Variants in AMPH observed in about 807,000 individuals in gnomAD.
The protein encoded by AMPH is amphiphysin, also known as amphiphysin (Stiff-Mann syndrome with breast cancer 128kD autoantigen).
A neutral mutation model predicts 99.1 loss-of-function variants in AMPH; 49 were observed. The ratio of observed to expected loss-of-function variants is 0.49; its 90% CI spans 0.39 to 0.63. AMPH has a LOEUF of 0.63. AMPH is among the 20% of genes least tolerant of loss of function. The pLI is 0.00. For missense variants in AMPH, 759 were observed against 863.4 expected, an observed-to-expected ratio of 0.88 and a Z score of 1.52; for synonymous variants, 314 against 317.3, an observed-to-expected ratio of 0.99 and a Z score of 0.11.
At chr7:38,411,215 G>T (rs1305443279) in intron 17 of AMPH, among the ~76,000 whole-genome samples, 1 of 152,190 alleles carries the variant, frequency 6.6e-6, no homozygotes, top group East Asian at 1.9e-4. Flanking sequence ...TCACGGGACT[G>T]CTGTGAGAGA....
intron 17 of AMPH, among the ~76,000 whole-genome samples, chr7:38,414,743 G>A (rs1471315598): frequency 6.6e-6 from 1 of 151,888 alleles, no homozygotes; most frequent in East Asian, 1.9e-4. Flanking sequence ...TCAGCTCACT[G>A]CACCTCTGCC....
At chr7:38,551,053 C>T (rs185517952) in intron 1 of AMPH, among the ~76,000 whole-genome samples, 18 of 152,264 alleles carry the variant, frequency 1.2e-4, no homozygotes, top group African/African-American at 4.1e-4. Flanking sequence ...CTCAAAACCC[C>T]TGTGGATGAT....
intron 1 of AMPH, among the ~76,000 whole-genome samples, chr7:38,574,416 T>G (rs1365333227): frequency 1.3e-5 from 2 of 152,180 alleles, no homozygotes; most frequent in Non-Finnish European, 2.9e-5. Flanking sequence ...AAGATGCAAA[T>G]GAACACCCAG....
chr7:38,449,314 C>T (rs1255129539), intron 11 of AMPH, among the ~76,000 whole-genome samples: 1 of 152,196 alleles, frequency 6.6e-6, no homozygotes. Context: ...ACATAGCCTA[C>T]AGCATTCTGC....
chr7:38,524,699 T>C (rs1392395257), intron 2 of AMPH, among the ~76,000 whole-genome samples: 1 of 152,198 alleles, frequency 6.6e-6, no homozygotes, highest in Non-Finnish European at 1.5e-5. Flanking sequence ...CAGTTCTGTA[T>C]ACTATTATTA....
At chr7:38,610,316 GAAA>G (rs11317503) in intron 1 of AMPH, among the ~76,000 whole-genome samples, 1 of 25,480 alleles carries the variant, frequency 3.9e-5, no homozygotes, top group Admixed American at 4.6e-4. Context: ...GAAAAGAAAA[GAAA>G]AGAAAAGAAA....
At chr7:38,431,013 A>C (rs1785998907) in intron 13 of AMPH, among the ~76,000 whole-genome samples, 1 of 152,218 alleles carries the variant, frequency 6.6e-6, no homozygotes, top group Non-Finnish European at 1.5e-5. Flanking sequence ...ATACAACTTA[A>C]GTTGAGTTCT....
At chr7:38,572,609 T>C (rs1391890801) in intron 1 of AMPH, among the ~76,000 whole-genome samples, 2 of 152,148 alleles carry the variant, frequency 1.3e-5, no homozygotes, top group Non-Finnish European at 2.9e-5. Context: ...GTGATGTTAT[T>C]AATGAGCCCA....
chr7:38,388,536 A>AT (rs200678466), intron 20 of AMPH, among the ~76,000 whole-genome samples: 8 of 150,712 alleles, frequency 5.3e-5, no homozygotes, highest in South Asian at 2.1e-4. Flanking sequence ...TCATTATGAA[A>AT]TTTTTTTTTA....
chr7:38,518,423 C>T (rs1455328646), intron 2 of AMPH, among the ~76,000 whole-genome samples: 20 of 152,148 alleles, frequency 1.3e-4, no homozygotes, highest in East Asian at 7.7e-4. Flanking sequence ...AGCAAAGTCA[C>T]GGGGGCAGGA....
chr7:38,407,967 A>G (rs950491675), intron 17 of AMPH, among the ~76,000 whole-genome samples: 1 of 152,186 alleles, frequency 6.6e-6, no homozygotes, highest in African/African-American at 2.4e-5. Flanking sequence ...TGAATTTACA[A>G]TTTTCCAGAC....
intron 20 of AMPH, among the ~76,000 whole-genome samples, chr7:38,386,242 T>C (rs372229423): frequency 4.3e-4 from 65 of 152,346 alleles, no homozygotes; most frequent in Middle Eastern, 3.4e-3. Context: ...GACAAAGCTA[T>C]GCTTAAAATA....
chr7:38,564,895 T>C (rs1485506404), intron 1 of AMPH, among the ~76,000 whole-genome samples: 7 of 152,032 alleles, frequency 4.6e-5, no homozygotes, highest in Non-Finnish European at 2.9e-5. Context: ...GAGGCTGAGG[T>C]GGGTGGATCA....
In AMPH at chr7:38,461,269, A is replaced by T; in HGVS notation, c.1017+14T>A. The T allele has an allele frequency of 6.2e-7, 1 of 1,613,502 alleles. No homozygotes were observed. Among genetic ancestry groups the T allele is most frequent in the Non-Finnish European group, 8.5e-7 (1 of 1,179,772 alleles). Reference sequence around the variant, plus strand: ...GACTTTCATGGACATACCAGCCCTGAACCAGGCACTTACCTGGGAAGGTGT... The same window carrying T: ...GACTTTCATGGACATACCAGCCCTGTACCAGGCACTTACCTGGGAAGGTGT... On this transcript the variant is annotated intron_variant, in intron 11 of 20. Transcript: ENST00000356264.
intron 11 of AMPH, among the ~76,000 whole-genome samples, chr7:38,441,409 A>G (rs1786499533): frequency 6.6e-6 from 1 of 152,144 alleles, no homozygotes; most frequent in Non-Finnish European, 1.5e-5. Flanking sequence ...TCTATCCAAC[A>G]ACAGCAGAAT....
intron 9 of AMPH, chr7:38,464,053 T>C (rs1207445992): frequency 7.8e-7 from 1 of 1,289,422 alleles, no homozygotes; most frequent in Non-Finnish European, 1.0e-6. Context: ...ATAGCCCCAA[T>C]CTAAGCTTAA....
At chr7:38,520,827 C>A (rs966402035) in intron 2 of AMPH, among the ~76,000 whole-genome samples, 1 of 152,184 alleles carries the variant, frequency 6.6e-6, no homozygotes, top group Non-Finnish European at 1.5e-5. Context: ...TGAAAGCCAG[C>A]AATTCAGTCC....
intron 1 of AMPH, among the ~76,000 whole-genome samples, chr7:38,572,813 G>GTGTGGGATAGGAACA (rs1792097890): frequency 6.6e-6 from 1 of 152,116 alleles, no homozygotes; most frequent in Admixed American, 6.6e-5. Context: ...CCAACAGGGA[G>GTGTGGGATAGGAACA]TGTGGGATAG....
chr7:38,607,844 T>C (rs868153187), intron 1 of AMPH, among the ~76,000 whole-genome samples: 3 of 152,238 alleles, frequency 2.0e-5, no homozygotes, highest in Admixed American at 2.0e-4. Flanking sequence ...GAATTCCTGA[T>C]GTTAAACTCC....
Sources: allele counts gnomAD v4.1 joint callset (sites outside exome capture counted in the v4.1 genomes callset), GRCh38; gene constraint gnomAD v4.1.1; transcripts MANE v1.5; gene names NCBI Gene and HGNC (gene_info 2026-07-23, HGNC 2026-07-21).